Variants in AKAP13 observed in about 807,000 individuals in gnomAD.
AKAP13 encodes A-kinase anchor protein 13.
Under a neutral mutation model 264.5 loss-of-function variants are expected in AKAP13, and 80 were observed. The ratio of observed to expected loss-of-function variants is 0.30; its 90% CI spans 0.25 to 0.36. AKAP13 has a LOEUF of 0.36. AKAP13 is among the 10% of genes least tolerant of loss of function. The probability of loss-of-function intolerance (pLI) is 1.00; values close to 1 mark genes in which losing one functional copy is unlikely to be tolerated. For missense variants in AKAP13, 3,712 were observed against 3,435.2 expected, an observed-to-expected ratio of 1.08 and a Z score of -2.01; for synonymous variants, 1,380 against 1,250.2, an observed-to-expected ratio of 1.10 and a Z score of -2.19.
At chr15:85,440,436 A>AT (rs2073587330) in intron 1 of AKAP13, among the ~76,000 whole-genome samples, 1 of 152,140 alleles carries the variant, frequency 6.6e-6, no homozygotes, top group African/African-American at 2.4e-5. Context: ...AAATTCATGG[A>AT]TTTTATCTGG....
intron 1 of AKAP13, chr15:85,382,041 A>G (rs372226700): frequency 1.4e-4 from 22 of 152,220 alleles, no homozygotes; most frequent in African/African-American, 5.1e-4. Context: ...CATTAAGTAC[A>G]AGTTTTGTCA....
rs779545798 is a variant in AKAP13, at chr15:85,620,043, G to A, written c.4162-19331G>A. On this transcript the variant is annotated intron_variant, in intron 8 of 36. Coordinates refer to ENST00000394518, the MANE Select transcript of AKAP13 (RefSeq NM_007200.5). ...ACTTGCACTGGTCCCCAAGTTAACA[G>A]TGGATATACTTCCTGCATTTTCTCT... 5.2e-6 allele frequency: 8 copies of A among 1,535,530 alleles called. No individual in the cohort carries two copies. The South Asian group carries it at 8.3e-5, about 16-fold the overall frequency.
chr15:85,728,410 G>C (rs1312930388), intron 29 of AKAP13, among the ~76,000 whole-genome samples: 7 of 152,206 alleles, frequency 4.6e-5, no homozygotes, highest in Non-Finnish European at 1.0e-4. Flanking sequence ...ATTGGCCCAT[G>C]ATTAGGATGA....
At chr15:85,486,183 A>G (rs371956428) in intron 2 of AKAP13, among the ~76,000 whole-genome samples, 1 of 152,140 alleles carries the variant, frequency 6.6e-6, no homozygotes, top group African/African-American at 2.4e-5. Flanking sequence ...TCATCTCCCT[A>G]AAGTGAGGGA....
chr15:85,423,357 C>G (rs2150905156), intron 1 of AKAP13, among the ~76,000 whole-genome samples: 1 of 152,342 alleles, frequency 6.6e-6, no homozygotes, highest in South Asian at 2.1e-4. Context: ...GATCAACTAA[C>G]TTTATGTAAT....
chr15:85,740,623 A>T (rs897700267), intron 34 of AKAP13: 2 of 340,040 alleles, frequency 5.9e-6, no homozygotes, highest in Non-Finnish European at 1.1e-5. Context: ...GGCCTTCCTA[A>T]TACAGCTTCT....
intron 1 of AKAP13, among the ~76,000 whole-genome samples, chr15:85,419,478 C>T (rs541260840): frequency 8.1e-4 from 124 of 152,204 alleles, no homozygotes; most frequent in African/African-American, 2.9e-3. Flanking sequence ...CACTGTTGAC[C>T]CGGATATTTT....
chr15:85,613,679 T>TAAAAA lies in AKAP13; in HGVS notation c.4162-25686_4162-25682dup, dbSNP rs762473477. ...CTGGGCAACAGAGCCAGACTCCGTC[T>TAAAAA]AAAAAAAAAAAAATATATATATATA... On this transcript the variant is annotated intron_variant, in intron 8 of 36. Transcript: ENST00000394518. Among the ~76,000 whole-genome samples, 288 of 103,290 alleles carry TAAAAA rather than the reference T, an allele frequency of 2.8e-3. 5 individuals carry two copies. The highest frequency in any genetic ancestry group is 6.3e-3 in the South Asian group (17 of 2,704). The allele number at this position is 103,290 out of a possible 152,430, so 67.8% of individuals were successfully genotyped here. A position where few individuals can be genotyped will look rare whatever the true frequency, so the allele number is the denominator to read the frequency against.
At chr15:85,433,441 G>C (rs568791982) in intron 1 of AKAP13, among the ~76,000 whole-genome samples, 1 of 151,788 alleles carries the variant, frequency 6.6e-6, no homozygotes, top group South Asian at 2.1e-4. Context: ...GGGCATTTTC[G>C]CTTTCCTACA....
At chr15:85,441,218 C>T (rs769355944) in intron 1 of AKAP13, among the ~76,000 whole-genome samples, 5 of 147,182 alleles carry the variant, frequency 3.4e-5, no homozygotes, top group Non-Finnish European at 7.7e-5. Context: ...TTTTTAATGG[C>T]CGTTCTGGTG....
At position 85,458,407 on chromosome 15, in the gene AKAP13, T is replaced by TA. The variant is rs1417409978; in HGVS notation, c.-11-27303_-11-27302insA. ...TTTTGTTTTTTGTTTTTTTTTTTTT[T>TA]TACTATATATGTATGGAGTGCAACA... On this transcript the variant is annotated intron_variant, in intron 1 of 36. Transcript: ENST00000394518. Among the ~76,000 whole-genome samples, 10 of 149,438 alleles carry TA rather than the reference T, an allele frequency of 6.7e-5. No individual in the cohort carries two copies. In the East Asian group the frequency reaches 1.7e-3, roughly 26 times the overall value.
rs114578192 is a variant in AKAP13 at position 85,694,295 on chromosome 15, A to T, written c.5464+844A>T. 6.2e-3 allele frequency among the ~76,000 whole-genome samples: 951 copies of T among 152,354 alleles called. 10 individuals carry two copies. The highest frequency in any genetic ancestry group is 0.022 in the African/African-American group (894 of 41,580). On this transcript the variant is annotated intron_variant, in intron 17 of 36. Transcript: ENST00000394518. ...CTGAGCATTGTTCCTGGTTTTGATA[A>T]GACACTCTCAGGCAGGAGTTGCTTA... is the stretch of plus-strand genomic sequence containing the variant.
At chr15:85,680,529 A>C (rs74025659) in intron 14 of AKAP13, among the ~76,000 whole-genome samples, 6,626 of 152,192 alleles carry the variant, frequency 0.044, 476 homozygotes, top group African/African-American at 0.15. Context: ...GAAGACTTAG[A>C]ATTTGTTTTA....
intron 1 of AKAP13, among the ~76,000 whole-genome samples, chr15:85,443,772 AGTGTGTGTG>A (rs2073799624): frequency 6.9e-6 from 1 of 145,970 alleles, no homozygotes; most frequent in African/African-American, 2.5e-5. Context: ...AAAAAAAAAA[AGTGTGTGTG>A]TGTGTGTGTG....
intron 13 of AKAP13, among the ~76,000 whole-genome samples, chr15:85,666,061 A>C (rs1290819038): frequency 6.6e-6 from 1 of 152,224 alleles, no homozygotes; most frequent in Non-Finnish European, 1.5e-5. Flanking sequence ...TCGTTGGGTC[A>C]AATGGTATTT....
chr15:85,585,547 C>G (rs752719517), intron 7 of AKAP13, among the ~76,000 whole-genome samples, 155 bp from the exon 8 acceptor site: 2 of 152,158 alleles, frequency 1.3e-5, no homozygotes, highest in Non-Finnish European at 2.9e-5. Flanking sequence ...AGCATAGGGT[C>G]AGAAATGACA....
chr15:85,637,884 GTTTTT>G (rs34885165), intron 8 of AKAP13, among the ~76,000 whole-genome samples: 2 of 122,542 alleles, frequency 1.6e-5, no homozygotes, highest in Non-Finnish European at 3.4e-5. Flanking sequence ...TTATTTAGAA[GTTTTT>G]TTTTTTTTTT....
At position 85,737,493 on chromosome 15, in the gene AKAP13, TAA is replaced by T. The variant is rs562632631; in HGVS notation, c.7557+1360_7557+1361del. 6.6e-5 allele frequency among the ~76,000 whole-genome samples: 10 copies of T among 152,326 alleles called. 1 individual carries two copies. Among genetic ancestry groups the T allele is most frequent in the African/African-American group, 2.2e-4 (9 of 41,574 alleles). On this transcript the variant is annotated intron_variant, in intron 33 of 36. Coordinates refer to ENST00000394518, the MANE Select transcript of AKAP13 (RefSeq NM_007200.5). ...TTTTTCTTGTCCTTGCTTTTAACGT[TAA>T]GTTAAAAGTCTCCAAGGAACTTTAT...
Position 85,743,690 on chromosome 15 carries a change from A to C in AKAP13, c.8257A>C (p.Thr2753Pro), listed in dbSNP as rs112165804. The change falls in exon 36 of 37, where the codon ACA (threonine) becomes CCA (proline). Residue 2753 changes from threonine to proline, a missense_variant. By Grantham distance (38) the Thr-to-Pro change is conservative (BLOSUM62 -1). Transcript: ENST00000394518. The stretch of plus-strand genomic sequence containing the variant: ...TCACATACTGAGTTCAACCAGCCAG[A>C]CAAACAAAGGACCAGAAGGGCAGAG... ...PFHILSSTSQ[T>P]NKGPEGQSQA... 2.7e-5 allele frequency: 43 copies of C among 1,614,020 alleles called. No homozygotes were observed. Among genetic ancestry groups the C allele is most frequent in the East Asian group, 2.0e-4 (9 of 44,892 alleles).
Sources: gnomAD v4.1 joint callset for allele counts (sites outside exome capture counted in the v4.1 genomes callset) on GRCh38, gnomAD v4.1.1 for gene constraint, MANE v1.5 for transcripts, NCBI Gene and HGNC (gene_info 2026-07-23, HGNC 2026-07-21) for gene names.